Variants in ECT2 observed in about 807,000 individuals in gnomAD.
ECT2 encodes the protein epithelial cell transforming 2.
ECT2 carries 61 observed loss-of-function variants against 116.9 expected under a neutral mutation model. That is an observed-to-expected ratio of 0.52 (90% CI 0.42 to 0.65). The LOEUF is 0.65. Ranked by LOEUF, ECT2 falls within the 30% of genes least tolerant of loss-of-function variation. ECT2 has a pLI of 0.00. For missense variants in ECT2, 937 were observed against 1,078.7 expected (o/e 0.87, Z 1.84); for synonymous variants, 358 against 346.4 (o/e 1.03, Z -0.37).
At chr3:172,795,317 C>T (rs1189311084) in intron 18 of ECT2, among the ~76,000 whole-genome samples, 19 of 112,498 alleles carry the variant, frequency 1.7e-4, no homozygotes, top group South Asian at 5.8e-4. Context: ...CAGAGTGAGA[C>T]GCTATCAAAA....
intron 14 of ECT2, among the ~76,000 whole-genome samples, chr3:172,777,591 TC>T (rs1234942526): frequency 3.3e-5 from 5 of 152,178 alleles, no homozygotes; most frequent in African/African-American, 1.2e-4. Context: ...ACATCATTAA[TC>T]CTTGATGTAC....
chr3:172,782,515 A>G (rs767676123), intron 15 of ECT2, among the ~76,000 whole-genome samples: 3 of 152,102 alleles, frequency 2.0e-5, no homozygotes, highest in Non-Finnish European at 4.4e-5. Context: ...ATGGCCACAG[A>G]TTGTATTTTT....
At chr3:172,763,519 T>G (rs914231148) in intron 11 of ECT2, among the ~76,000 whole-genome samples, 1 of 152,178 alleles carries the variant, frequency 6.6e-6, no homozygotes, top group Non-Finnish European at 1.5e-5. Context: ...AATGGATAGA[T>G]AGAATCAAGA....
At chr3:172,799,286 C>T (rs914517983) in intron 18 of ECT2, among the ~76,000 whole-genome samples, 1 of 152,040 alleles carries the variant, frequency 6.6e-6, no homozygotes, top group Admixed American at 6.6e-5. Flanking sequence ...AGTCTTGTGC[C>T]TGATGCATGG....
Position 172,820,450 on chromosome 3 carries a change from A to C in ECT2, c.*213A>C. ...CATGTAAAAAATGATAGTGATTTTG[A>C]TGTAATTTATCTCTTGTTTGAATCT... On this transcript the variant is annotated 3_prime_UTR_variant, in exon 25 of 25. Transcript: ENST00000392692. The C allele has an allele frequency of 2.9e-6, 1 of 346,442 alleles. No homozygotes were observed. The highest frequency in any genetic ancestry group is 5.2e-6 in the Non-Finnish European group (1 of 192,562). The allele number at this position is 346,442 out of a possible 1,614,324, so 21.5% of individuals were successfully genotyped here.
At chr3:172,824,716 T>C (rs1240966420), downstream of ECT2, among the ~76,000 whole-genome samples, 1 of 152,230 alleles carries the variant, frequency 6.6e-6, no homozygotes, top group African/African-American at 2.4e-5. Flanking sequence ...TGTATATAAG[T>C]TCTTCATTTC....
chr3:172,828,842 G>C, the ECT2 span: 2 of 919,442 alleles, frequency 2.2e-6, no homozygotes, highest in African/African-American at 3.3e-5. Context: ...CCTGAGAGAT[G>C]AGTGCCTGAG....
intron 18 of ECT2, among the ~76,000 whole-genome samples, chr3:172,793,187 G>A (rs1354639502): frequency 6.6e-6 from 1 of 151,984 alleles, no homozygotes; most frequent in Non-Finnish European, 1.5e-5. Flanking sequence ...TTATTTTTGA[G>A]ATGGAGTCTC....
intron 11 of ECT2, 85 bp downstream of exon 11, chr3:172,763,057 T>A: frequency 7.2e-7 from 1 of 1,388,156 alleles, no homozygotes; most frequent in Non-Finnish European, 1.0e-6. Context: ...TTTAGAAGCA[T>A]GTTTAGGAAT....
intron 18 of ECT2, among the ~76,000 whole-genome samples, chr3:172,797,183 C>G (rs571565531): frequency 1.3e-5 from 2 of 150,276 alleles, no homozygotes; most frequent in South Asian, 2.1e-4. Context: ...GTGTGCACCA[C>G]CGTGCCTAGC....
In ECT2 at chr3:172,755,343, G is replaced by A; in HGVS notation, c.179G>A (p.Gly60Glu). ...AGAGTGATATTGGTTCAAGAAGCTG[G>A]AAAACAAGAAGAACTTATAAAAGCC... is the stretch of plus-strand genomic sequence containing the variant. Reference protein sequence around the residue: ...ETRVILVQEAGKQEELIKALK... With the variant: ...ETRVILVQEAEKQEELIKALK... Residue 60 changes from glycine (G) to glutamate (E), a missense_variant, in exon 3 of 25, where the codon GGA becomes GAA. By Grantham distance (98) the Gly-to-Glu change is moderately conservative. Transcript: ENST00000392692. 6.2e-7 allele frequency: 1 copy of A among 1,605,046 alleles called. No individual in the cohort carries two copies. The highest frequency in any genetic ancestry group is 1.1e-5 in the South Asian group (1 of 88,598).
chr3:172,760,139 T>C lies in ECT2; in HGVS notation c.577-17T>C. On this transcript the variant is annotated splice_polypyrimidine_tract_variant and intron_variant, in intron 6 of 24. Transcript: ENST00000392692. ...AAATTAACCATAAAGTCAGTGTTGC[T>C]TAATTTTTCTTTTGAGGTCAGGTTG... 6.4e-7 allele frequency: 1 copy of C among 1,566,260 alleles called. No homozygotes were observed. The highest frequency in any genetic ancestry group is 8.7e-7 in the Non-Finnish European group (1 of 1,151,286).
chr3:172,823,414 A>T (rs936000669), downstream of ECT2, among the ~76,000 whole-genome samples: 3 of 152,170 alleles, frequency 2.0e-5, no homozygotes, highest in Admixed American at 2.0e-4. Flanking sequence ...GAATTACACT[A>T]ACCTACCATT....
At chr3:172,798,614 A>C (rs1457521101) in intron 18 of ECT2, among the ~76,000 whole-genome samples, 1 of 152,180 alleles carries the variant, frequency 6.6e-6, no homozygotes, top group Non-Finnish European at 1.5e-5. Flanking sequence ...TTCTTTATGC[A>C]AATGTTTTGT....
chr3:172,805,949 T>C, intron 21 of ECT2, 80 bp downstream of exon 21: 1 of 1,458,900 alleles, frequency 6.9e-7, no homozygotes, highest in Non-Finnish European at 9.3e-7. Context: ...ATTTTGGCTT[T>C]TTTAAATTGG....
chr3:172,790,197 C>T lies in ECT2; in HGVS notation c.1907+3623C>T, dbSNP rs1226290788. 3.3e-5 allele frequency among the ~76,000 whole-genome samples: 5 copies of T among 152,190 alleles called. 1 individual carries two copies. Among genetic ancestry groups the T allele is most frequent in the Non-Finnish European group, 7.3e-5 (5 of 68,036 alleles). On this transcript the variant is annotated intron_variant, in intron 18 of 24. Coordinates refer to ENST00000392692, the MANE Select transcript of ECT2 (RefSeq NM_001258315.2). The stretch of plus-strand genomic sequence containing the variant: ...CCCGACATATGGTCTTAAATGGCAA[C>T]CCAGATGGTGAATCCTTTCCAGTAG...
chr3:172,828,358 G>A, the ECT2 span, among the ~76,000 whole-genome samples: 1 of 152,112 alleles, frequency 6.6e-6, no homozygotes, highest in African/African-American at 2.4e-5. Context: ...GTGTGGCTGT[G>A]TCTGTGTGTG....
intron 18 of ECT2, among the ~76,000 whole-genome samples, chr3:172,790,774 T>C (rs1724517775): frequency 6.6e-6 from 1 of 152,234 alleles, no homozygotes; most frequent in Non-Finnish European, 1.5e-5. Flanking sequence ...CCATCAGAGC[T>C]CTTGGATGAC....
At chr3:172,768,940 A>T (rs979790340) in intron 12 of ECT2, 67 bp from the exon 13 acceptor site, 91 of 1,410,780 alleles carry the variant, frequency 6.5e-5, no homozygotes, top group Non-Finnish European at 8.5e-5. Context: ...TTATCTTGTT[A>T]AGTCTACATA....
Sources: gnomAD v4.1 joint callset for allele counts (sites outside exome capture counted in the v4.1 genomes callset) on GRCh38, gnomAD v4.1.1 for gene constraint, MANE v1.5 for transcripts, NCBI Gene and HGNC (gene_info 2026-07-23, HGNC 2026-07-21) for gene names.